TP63: variants seen among roughly 807,000 people sequenced by gnomAD.
The protein encoded by TP63 is tumor protein p63, also known as tumor protein 63.
Under a neutral mutation model 82.8 loss-of-function variants are expected in TP63, and 17 were observed. The observed-to-expected ratio is 0.21, with a 90% CI of 0.14 to 0.31. The LOEUF (loss-of-function observed/expected upper bound fraction) is 0.31, where lower values mean the gene tolerates loss of function less well. TP63 is among the 10% of genes least tolerant of loss of function. The pLI, the probability that TP63 is intolerant of heterozygous loss-of-function variation, is 1.00. For missense variants in TP63, 648 were observed against 895.3 expected (o/e 0.72, Z 3.52); for synonymous variants, 330 against 321.7 (o/e 1.03, Z -0.28).
chr3:189,611,445 G>T, the TP63 span, among the ~76,000 whole-genome samples: 1 of 152,138 alleles, frequency 6.6e-6, no homozygotes, highest in Non-Finnish European at 1.5e-5. Context: ...TGAAAGATCA[G>T]ATGGTCATAG....
chr3:189,602,319 T>C, the TP63 span, among the ~76,000 whole-genome samples: 1 of 152,166 alleles, frequency 6.6e-6, no homozygotes, highest in African/African-American at 2.4e-5. Context: ...ACAGTGTGTA[T>C]AATAACATGT....
intron 10 of TP63, among the ~76,000 whole-genome samples, chr3:189,875,623 T>TATACACAC: frequency 9.3e-6 from 1 of 107,834 alleles, no homozygotes; most frequent in Non-Finnish European, 2.0e-5. Context: ...TATATATATA[T>TATACACAC]ATATATATAT....
At chr3:189,731,112 G>A (rs954630276) in intron 1 of TP63, among the ~76,000 whole-genome samples, 2 of 152,170 alleles carry the variant, frequency 1.3e-5, no homozygotes, top group Non-Finnish European at 2.9e-5. Flanking sequence ...GGAAGCTGAG[G>A]CAGGTGGACC....
At chr3:189,861,771 G>A (rs1227406868) in intron 4 of TP63, among the ~76,000 whole-genome samples, 1 of 152,124 alleles carries the variant, frequency 6.6e-6, no homozygotes, top group Non-Finnish European at 1.5e-5. Flanking sequence ...ACTAGAAAAA[G>A]GTAAACATTT....
In TP63 at chr3:189,793,845, T is replaced by A. The variant is rs182107636; in HGVS notation, c.325-14427T>A. Among the ~76,000 whole-genome samples the A allele has an allele frequency of 2.6e-5, 4 of 152,234 alleles. No homozygotes were observed. The East Asian group carries it at 7.7e-4, about 29-fold the overall frequency. The stretch of plus-strand genomic sequence containing the variant: ...ACCCAAGTGGGCGCTCAATTTTCTT[T>A]AGATGTATGTTGAGGAAAATGTCAG... On this transcript the variant is annotated intron_variant, in intron 3 of 13. Coordinates refer to ENST00000264731, the MANE Select transcript of TP63 (RefSeq NM_003722.5).
At chr3:189,611,163 C>T in the TP63 span, among the ~76,000 whole-genome samples, 1 of 152,114 alleles carries the variant, frequency 6.6e-6, no homozygotes. Context: ...TCTCATTTGT[C>T]AATTTTTGCT....
chr3:189,794,413 C>G (rs1401069049), intron 3 of TP63, among the ~76,000 whole-genome samples: 1 of 151,580 alleles, frequency 6.6e-6, no homozygotes, highest in African/African-American at 2.4e-5. Flanking sequence ...GTAGGAAGAT[C>G]AAGAAAGTCT....
intron 3 of TP63, among the ~76,000 whole-genome samples, chr3:189,764,252 A>G (rs181852105): frequency 1.2e-3 from 181 of 152,320 alleles, no homozygotes; most frequent in Admixed American, 2.7e-3. Context: ...AGAATAGAGG[A>G]AAATGAGAGT....
intron 3 of TP63, among the ~76,000 whole-genome samples, chr3:189,749,852 G>T (rs7614997): frequency 1.7e-4 from 26 of 152,062 alleles, no homozygotes; most frequent in African/African-American, 6.3e-4. Flanking sequence ...GGCCAGGTGC[G>T]GTGGCTCACA....
intron 3 of TP63, among the ~76,000 whole-genome samples, chr3:189,802,447 T>C (rs988963126): frequency 9.2e-5 from 14 of 152,214 alleles, no homozygotes; most frequent in Non-Finnish European, 1.9e-4. Flanking sequence ...TGTGGTCTTA[T>C]AGCATTGTTT....
At chr3:189,730,037 C>T (rs1720047777) in intron 1 of TP63, among the ~76,000 whole-genome samples, 1 of 152,104 alleles carries the variant, frequency 6.6e-6, no homozygotes. Context: ...CTGAAGCTAA[C>T]CCGAAGACTC....
chr3:189,847,156 G>A (rs754539873), intron 4 of TP63, among the ~76,000 whole-genome samples: 12 of 151,524 alleles, frequency 7.9e-5, no homozygotes, highest in Non-Finnish European at 1.6e-4. Flanking sequence ...TCAGGAGTTT[G>A]AGACCAGCCT....
At chr3:189,846,007 C>T (rs543769149) in intron 4 of TP63, among the ~76,000 whole-genome samples, 2 of 151,970 alleles carry the variant, frequency 1.3e-5, no homozygotes, top group East Asian at 3.9e-4. Flanking sequence ...GCTGATATTA[C>T]CTGGCACCTC....
rs1721521472 is a variant in TP63 at position 189,896,970 on chromosome 3, T to G, written c.*2468T>G. 1 of 227,010 alleles carries G rather than the reference T, an allele frequency of 4.4e-6. No homozygotes were observed. Among genetic ancestry groups the G allele is most frequent in the Non-Finnish European group, 8.8e-6 (1 of 114,106 alleles). 14.1% of individuals were successfully genotyped at this position (227,010 alleles called of 1,614,324 possible). On this transcript the variant is annotated 3_prime_UTR_variant, in exon 14 of 14. Transcript: ENST00000264731. ...GGAAAGCAGAGTTTTCATTAAATCCTTTTACCTTTTTTTTTTCTTGGTAAT... is the reference window on the plus strand; with the variant it reads ...GGAAAGCAGAGTTTTCATTAAATCCGTTTACCTTTTTTTTTTCTTGGTAAT...
intron 1 of TP63, chr3:189,645,602 C>G (rs1712352553): frequency 6.5e-6 from 1 of 152,812 alleles, no homozygotes; most frequent in South Asian, 2.1e-4. Flanking sequence ...GTGTGCTGCA[C>G]CCATTAACTT....
chr3:189,637,795 C>A (rs563126158), intron 1 of TP63, among the ~76,000 whole-genome samples: 38 of 152,184 alleles, frequency 2.5e-4, no homozygotes, highest in African/African-American at 8.9e-4. Flanking sequence ...TGTTACACAG[C>A]AAAGCAGAAT....
chr3:189,824,836 A>T (rs1729168881), intron 4 of TP63, among the ~76,000 whole-genome samples: 1 of 91,594 alleles, frequency 1.1e-5, no homozygotes, highest in Non-Finnish European at 2.9e-5. Flanking sequence ...TGTAGGTTTA[A>T]AAAAAAAAAA....
chr3:189,682,529 C>A (rs1716009044), intron 1 of TP63, among the ~76,000 whole-genome samples: 2 of 94,518 alleles, frequency 2.1e-5, no homozygotes, highest in African/African-American at 4.7e-5. Flanking sequence ...GGACTTGGTC[C>A]TAAGGGGAAA....
At chr3:189,736,906 A>G (rs1361635961) in intron 1 of TP63, among the ~76,000 whole-genome samples, 1 of 152,058 alleles carries the variant, frequency 6.6e-6, no homozygotes, top group Non-Finnish European at 1.5e-5. Context: ...TATCACAACA[A>G]ATCACATATT....
Sources: allele counts gnomAD v4.1 joint callset (sites outside exome capture counted in the v4.1 genomes callset), GRCh38; gene constraint gnomAD v4.1.1; transcripts MANE v1.5; gene names NCBI Gene and HGNC (gene_info 2026-07-23, HGNC 2026-07-21).